Variants in FBXO17 observed in about 807,000 individuals in gnomAD.
FBXO17 encodes F-box only protein 17.
A neutral mutation model predicts 34.1 loss-of-function variants in FBXO17; 43 were observed. The ratio of observed to expected loss-of-function variants is 1.26; its 90% CI spans 0.99 to 1.62. The LOEUF (loss-of-function observed/expected upper bound fraction) is 1.62. Ranked by LOEUF, FBXO17 falls within the 40% of genes most tolerant of loss-of-function variation. The pLI, the probability that FBXO17 is intolerant of heterozygous loss-of-function variation, is 0.00. For synonymous variants in FBXO17, 169 were observed against 166.0 expected (o/e 1.02, Z -0.14); for missense variants, 424 against 386.7 (o/e 1.10, Z -0.81).
At chr19:38,971,536 C>A (rs1229497098) in intron 1 of FBXO17, among the ~76,000 whole-genome samples, 2 of 152,120 alleles carry the variant, frequency 1.3e-5, no homozygotes, top group South Asian at 2.1e-4. Context: ...GTAATCCCAG[C>A]ACTTTGAGAG....
intron 1 of FBXO17, among the ~76,000 whole-genome samples, chr19:38,958,887 G>A (rs576450955): frequency 6.6e-6 from 1 of 152,146 alleles, no homozygotes; most frequent in South Asian, 2.1e-4. Flanking sequence ...ATTGCTAAGG[G>A]ATTTCATTCT....
chr19:38,952,110 C>A (rs1421304131), intron 1 of FBXO17, among the ~76,000 whole-genome samples: 1 of 152,028 alleles, frequency 6.6e-6, no homozygotes, highest in African/African-American at 2.4e-5. Flanking sequence ...GCCACCACAC[C>A]GAGCCAGTAA....
intron 1 of FBXO17, among the ~76,000 whole-genome samples, chr19:38,954,347 G>A (rs1005610047): frequency 8.6e-5 from 13 of 152,034 alleles, no homozygotes; most frequent in Non-Finnish European, 1.0e-4. Context: ...TCAGCTCACT[G>A]CAACCTCCAC....
intron 1 of FBXO17, among the ~76,000 whole-genome samples, chr19:38,954,823 G>A (rs1049583258): frequency 2.7e-5 from 4 of 148,518 alleles, no homozygotes; most frequent in South Asian, 2.1e-4. Context: ...CAGGTGATCC[G>A]CCCACCTCAG....
chr19:38,972,594 C>T (rs1162332735), intron 1 of FBXO17, among the ~76,000 whole-genome samples: 1 of 151,344 alleles, frequency 6.6e-6, no homozygotes, highest in African/African-American at 2.4e-5. Flanking sequence ...GTATATTGGA[C>T]TCCATAGTTT....
At chr19:38,946,917 G>C in intron 3 of FBXO17, 1 of 266,258 alleles carries the variant, frequency 3.8e-6, no homozygotes, top group Non-Finnish European at 7.2e-6. Flanking sequence ...TCTAAAGCTG[G>C]ACAGCCTTGT....
chr19:38,955,272 G>A (rs1796403013), intron 1 of FBXO17, among the ~76,000 whole-genome samples: 3 of 151,208 alleles, frequency 2.0e-5, no homozygotes, highest in South Asian at 4.2e-4. Flanking sequence ...TTCTTCACTC[G>A]GGTGGGAGTG....
At chr19:38,949,585 T>C (rs545719628) in intron 2 of FBXO17, among the ~76,000 whole-genome samples, 1 of 151,850 alleles carries the variant, frequency 6.6e-6, no homozygotes, top group East Asian at 1.9e-4. Context: ...TGTAGTGCAA[T>C]GGCACGATCA....
At chr19:38,967,586 GA>G (rs1975337460) in intron 1 of FBXO17, among the ~76,000 whole-genome samples, 1 of 142,342 alleles carries the variant, frequency 7.0e-6, no homozygotes, top group Non-Finnish European at 1.5e-5. Context: ...TTTTTTTTGA[GA>G]TATGGTCTTC....
At chr19:38,965,886 C>T (rs1350646557) in intron 1 of FBXO17, among the ~76,000 whole-genome samples, 1 of 152,292 alleles carries the variant, frequency 6.6e-6, no homozygotes, top group East Asian at 1.9e-4. Context: ...AGGCAATCTG[C>T]CCACCTCAGC....
chr19:38,970,023 T>C lies in FBXO17; in HGVS notation c.-18+5563A>G, dbSNP rs375164781. The stretch of plus-strand genomic sequence containing the variant: ...TGGTGGTGTTCCTAACAGCTTCAGA[T>C]TGGAAAAGTCCCAGATGCCTGTCCA... On this transcript the variant is annotated intron_variant, in intron 1 of 5. Transcript: ENST00000292852. 1.6e-4 allele frequency among the ~76,000 whole-genome samples: 24 copies of C among 152,156 alleles called. No homozygotes were observed. The East Asian group carries it at 3.9e-3, about 24-fold the overall frequency.
chr19:38,951,515 C>T (rs1975083500), intron 1 of FBXO17, among the ~76,000 whole-genome samples: 1 of 135,312 alleles, frequency 7.4e-6, no homozygotes. Context: ...TTCCCTCTGC[C>T]CCTAAAAAAA....
In FBXO17 at chr19:38,948,569, G is replaced by T; in HGVS notation, c.459C>A (p.Phe153Leu). The T allele has an allele frequency of 1.2e-6, 2 of 1,613,560 alleles. No homozygotes were observed. Among genetic ancestry groups the T allele is most frequent in the Non-Finnish European group, 1.7e-6 (2 of 1,179,600 alleles). Residue 153 changes from phenylalanine to leucine, a missense_variant and splice_region_variant, in exon 3 of 6, where the codon TTC becomes TTA. Phe to Leu is a conservative substitution (Grantham distance 22). Coordinates refer to ENST00000292852, the MANE Select transcript of FBXO17 (RefSeq NM_024907.7). ...APSQTCFVTS[F>L]EWCSKRQLVD... The stretch of plus-strand genomic sequence containing the variant: ...GGCCTCTCACTTGGGCCACTCACTC[G>T]AAAGAGGTCACGAAGCAGGTCTGCG...
At chr19:38,967,055 C>T (rs932175272) in intron 1 of FBXO17, among the ~76,000 whole-genome samples, 2 of 152,178 alleles carry the variant, frequency 1.3e-5, no homozygotes, top group Non-Finnish European at 1.5e-5. Flanking sequence ...ATAAATTAGA[C>T]ATTATCATAA....
chr19:38,954,220 C>G (rs1975128842), intron 1 of FBXO17, among the ~76,000 whole-genome samples: 1 of 151,370 alleles, frequency 6.6e-6, no homozygotes, highest in African/African-American at 2.4e-5. Flanking sequence ...GGGTCTCATG[C>G]AGGAGGAAGC....
chr19:38,945,329 C>T, intron 4 of FBXO17: 1 of 551,366 alleles, frequency 1.8e-6, no homozygotes, highest in South Asian at 2.1e-5. Context: ...GGAGCCAGAG[C>T]CTGGGGGAGG....
chr19:38,951,518 TAA>T (rs34437526), intron 1 of FBXO17, among the ~76,000 whole-genome samples: 17 of 143,868 alleles, frequency 1.2e-4, no homozygotes, highest in East Asian at 1.0e-3. Flanking sequence ...CCTCTGCCCC[TAA>T]AAAAAAAAAA....
rs371932787 is a variant in FBXO17, at chr19:38,950,135, T to G, written c.185A>C (p.Gln62Pro). ...CTCGGCGCTGCGGTCGCGGGCCAGC[T>G]GCAGCAGCCACACAGTGGGCCCGTC... ...IVDGPTVWLL[Q>P]LARDRSAEGR... is the part of the protein sequence containing the mutation. The change falls in exon 2 of 6, where the codon CAG (glutamine) becomes CCG (proline). Residue 62 changes from glutamine to proline, a missense_variant. Transcript: ENST00000292852. 6.4e-7 allele frequency: 1 copy of G among 1,561,898 alleles called. No homozygotes were observed. Among genetic ancestry groups the G allele is most frequent in the Non-Finnish European group, 8.6e-7 (1 of 1,158,000 alleles).
At position 38,969,588 on chromosome 19, in the gene FBXO17, C is replaced by CT. The variant is rs67681512; in HGVS notation, c.-18+5997dup. ...TGGAATCACTTTGGAAACCACTGGG[C>CT]TTTTTTTTTTTTTTTTTTTTTTTTT... On this transcript the variant is annotated intron_variant, in intron 1 of 5. Transcript: ENST00000292852. Among the ~76,000 whole-genome samples the CT allele has an allele frequency of 6.2e-3, 645 of 103,506 alleles. 67 individuals carry two copies. Among genetic ancestry groups the CT allele is most frequent in the Non-Finnish European group, 9.9e-3 (524 of 53,140 alleles). 67.9% of individuals were successfully genotyped at this position (103,506 alleles called of 152,430 possible). A position where few individuals can be genotyped will look rare whatever the true frequency, so the allele number is the denominator to read the frequency against.
Sources: allele counts gnomAD v4.1 joint callset (sites outside exome capture counted in the v4.1 genomes callset), GRCh38; gene constraint gnomAD v4.1.1; transcripts MANE v1.5; gene names NCBI Gene and HGNC (gene_info 2026-07-23, HGNC 2026-07-21).